SCN11A: variants seen among roughly 807,000 people sequenced by gnomAD.
The protein encoded by SCN11A is sodium channel protein type 11 subunit alpha.
Under a neutral mutation model 162.2 loss-of-function variants are expected in SCN11A, and 122 were observed. The ratio of observed to expected loss-of-function variants is 0.75; its 90% confidence interval spans 0.65 to 0.87. The LOEUF is 0.87. Among genes scored for constraint, SCN11A ranks in the 40% least tolerant of loss-of-function variants. The pLI, the probability that SCN11A is intolerant of heterozygous loss-of-function variation, is 0.00. For synonymous variants in SCN11A, 758 were observed against 751.5 expected (o/e 1.01, Z -0.14); for missense variants, 2,015 against 2,181.6 (o/e 0.92, Z 1.52).
At chr3:38,936,847 T>G (rs1240791753) in intron 7 of SCN11A, among the ~76,000 whole-genome samples, 2 of 152,180 alleles carry the variant, frequency 1.3e-5, no homozygotes, top group Non-Finnish European at 2.9e-5. Context: ...CCAATGACTT[T>G]CTTCACAGAA....
intron 9 of SCN11A, among the ~76,000 whole-genome samples, chr3:38,924,648 C>T (rs1225861036): frequency 4.6e-5 from 7 of 152,122 alleles, no homozygotes; most frequent in Non-Finnish European, 7.4e-5. Context: ...GTTGGGATTA[C>T]AGGAGTGAGC....
intron 2 of SCN11A, among the ~76,000 whole-genome samples, chr3:38,987,295 T>G (rs1232085835): frequency 8.6e-6 from 1 of 116,494 alleles, no homozygotes; most frequent in African/African-American, 4.7e-5. Context: ...TCTCTCTCTC[T>G]CTCTCTCTCA....
intron 7 of SCN11A, among the ~76,000 whole-genome samples, chr3:38,928,470 T>C (rs1025237862): frequency 1.8e-4 from 28 of 152,280 alleles, no homozygotes; most frequent in African/African-American, 6.7e-4. Flanking sequence ...CAAACCACCA[T>C]GGCACACATA....
intron 21 of SCN11A, 80 bp from the exon 22 acceptor site, chr3:38,883,467 G>C: frequency 1.5e-6 from 2 of 1,371,316 alleles, no homozygotes; most frequent in Non-Finnish European, 2.0e-6. Flanking sequence ...CCCTTTCTGT[G>C]TTCATGCCCC....
intron 2 of SCN11A, among the ~76,000 whole-genome samples, chr3:38,995,827 A>C (rs1262347694): frequency 6.7e-6 from 1 of 150,088 alleles, no homozygotes; most frequent in Non-Finnish European, 1.5e-5. Flanking sequence ...CTGTCTATCT[A>C]TCTATCTATC....
chr3:38,992,986 A>T (rs909782918), intron 2 of SCN11A, among the ~76,000 whole-genome samples: 2 of 152,370 alleles, frequency 1.3e-5, no homozygotes, highest in South Asian at 4.1e-4. Context: ...AGGTACAGAC[A>T]TCCCCGATTC....
rs764197638 is a variant in SCN11A, at chr3:38,919,988, T to C, written c.906A>G (p.Glu302=). The C allele has an allele frequency of 3.1e-6, 5 of 1,612,726 alleles. No individual in the cohort carries two copies. The highest frequency in any genetic ancestry group is 4.2e-6 in the Non-Finnish European group (5 of 1,179,134). The change falls in exon 11 of 30, where the codon GAA becomes GAG. Residue 302 remains glutamate (E), a synonymous_variant. Transcript: ENST00000302328. ...SNPEAYDHCF[E]KKENSPEFKM... is the part of the protein sequence containing the mutation. ...TGAATTCAGGTGAATTTTCTTTCTT[T>C]TCAAAGCAATGGTCTGAGAGAGGAA... is the stretch of plus-strand genomic sequence containing the variant.
At chr3:38,871,773 C>T in intron 24 of SCN11A, 65 bp from the exon 25 acceptor site, 1 of 1,333,916 alleles carries the variant, frequency 7.5e-7, no homozygotes. Context: ...TCTTCAACTT[C>T]TCAGCATGGG....
At chr3:39,051,636 C>A (rs2032381907) in intron 1 of SCN11A, among the ~76,000 whole-genome samples, 1 of 152,118 alleles carries the variant, frequency 6.6e-6, no homozygotes, top group Non-Finnish European at 1.5e-5. Context: ...GGTTCTCCTG[C>A]CTGCCTAGGA....
chr3:38,904,700 A>G (rs551872481), intron 15 of SCN11A, among the ~76,000 whole-genome samples: 1 of 151,922 alleles, frequency 6.6e-6, no homozygotes, highest in African/African-American at 2.4e-5. Context: ...CTGAACACCA[A>G]CCCCTGGGGT....
At chr3:38,967,673 T>G (rs1477362336) in intron 2 of SCN11A, among the ~76,000 whole-genome samples, 8 of 152,168 alleles carry the variant, frequency 5.3e-5, no homozygotes, top group Admixed American at 5.2e-4. Context: ...CACCACAGCT[T>G]TAGCTGGAAT....
At position 38,886,186 on chromosome 3, in the gene SCN11A, C is replaced by T; in HGVS notation, c.2888G>A (p.Ser963Asn). 1.2e-6 allele frequency: 2 copies of T among 1,613,112 alleles called. No homozygotes were observed. The highest frequency in any genetic ancestry group is 2.2e-5 in the South Asian group (2 of 91,016). Residue 963 changes from serine (S) to asparagine (N), a missense_variant, in exon 20 of 30, where the codon AGT becomes AAT. By Grantham distance (46) the Ser-to-Asn change is conservative. Transcript: ENST00000302328. ...NKKPTSQRVQ[S>N]VEIDMFSEDE... is the part of the protein sequence containing the mutation. ...TTCAGAGAACATGTCAATTTCCACA[C>T]TTTGAACTCTCTGGCTCGTGGGCTT... is the stretch of plus-strand genomic sequence containing the variant.
chr3:38,904,115 T>C lies in SCN11A; in HGVS notation c.1604-12A>G. 1 of 1,529,468 alleles carries C rather than the reference T, an allele frequency of 6.5e-7. No homozygotes were observed. The highest frequency in any genetic ancestry group is 1.8e-4 in the Middle Eastern group (1 of 5,670). 94.7% of individuals were successfully genotyped at this position (1,529,468 alleles called of 1,614,324 possible). A position where few individuals can be genotyped will look rare whatever the true frequency, so the allele number is the denominator to read the frequency against. On this transcript the variant is annotated splice_polypyrimidine_tract_variant and intron_variant, in intron 15 of 29. Transcript: ENST00000302328. ...TGATTTTTCTTGTTCTGGAGGAGAA[T>C]GAGCGAGAGGTTGAGGAGTTAGCTC... is the stretch of plus-strand genomic sequence containing the variant.
rs763336682 is a variant in SCN11A at position 38,867,356 on chromosome 3, C to T, written c.3916G>A (p.Val1306Ile). The T allele has an allele frequency of 4.0e-5, 65 of 1,613,156 alleles. No homozygotes were observed. The highest frequency in any genetic ancestry group is 4.7e-5 in the Non-Finnish European group (56 of 1,179,484). The change falls in exon 27 of 30, where the codon GTT becomes ATT. Residue 1306 changes from valine (V) to isoleucine (I), a missense_variant. Transcript: ENST00000302328. ...TGTTGGTTGAAGTTGTCAATGATAA[C>T]GCCAATGAAGAGATTCAGAGTGAAG... The part of the protein sequence containing the change: ...SFFTLNLFIG[V>I]IIDNFNQQQK...
At chr3:38,979,475 T>C (rs1452681278) in intron 2 of SCN11A, among the ~76,000 whole-genome samples, 1 of 152,232 alleles carries the variant, frequency 6.6e-6, no homozygotes, top group East Asian at 1.9e-4. Context: ...CTCCAGATAC[T>C]GCCATCTCCA....
Position 38,937,490 on chromosome 3 carries a change from A to G in SCN11A, c.488+7921T>C, listed in dbSNP as rs2066354905. The stretch of plus-strand genomic sequence containing the variant: ...CCTACTCATCTGACAAAGGGCTAAT[A>G]TCCAGAATCTACAATGAACTCAAAC... On this transcript the variant is annotated intron_variant, in intron 7 of 29. Transcript: ENST00000302328. Among the ~76,000 whole-genome samples, 4 of 151,636 alleles carry G rather than the reference A, an allele frequency of 2.6e-5. No individual in the cohort carries two copies. In the South Asian group the frequency reaches 8.3e-4, roughly 32 times the overall value.
intron 2 of SCN11A, among the ~76,000 whole-genome samples, chr3:39,003,458 T>A (rs556020137): frequency 6.6e-6 from 1 of 152,350 alleles, no homozygotes; most frequent in East Asian, 1.9e-4. Context: ...TGATTCCATA[T>A]CTTTGCTATT....
chr3:38,928,686 C>T (rs1392800618), intron 7 of SCN11A, among the ~76,000 whole-genome samples: 4 of 152,118 alleles, frequency 2.6e-5, no homozygotes, highest in Admixed American at 6.6e-5. Context: ...TGAAAAGATG[C>T]TCAACATCAC....
In SCN11A at chr3:39,028,438, C is replaced by T. The variant is rs528672677; in HGVS notation, c.-280+3942G>A. ...CATTTGTCAATTGGCACATAGGATC[C>T]GTCTTAAACCTATTTGAGATTTTAT... is the stretch of plus-strand genomic sequence containing the variant. On this transcript the variant is annotated intron_variant, in intron 2 of 29. Coordinates refer to ENST00000302328, the MANE Select transcript of SCN11A (RefSeq NM_001349253.2). 6.6e-4 allele frequency among the ~76,000 whole-genome samples: 100 copies of T among 152,270 alleles called. 1 individual carries two copies. Among genetic ancestry groups the T allele is most frequent in the Non-Finnish European group, 1.0e-3 (70 of 68,032 alleles).
Sources: allele counts gnomAD v4.1 joint callset (sites outside exome capture counted in the v4.1 genomes callset), GRCh38; gene constraint gnomAD v4.1.1; transcripts MANE v1.5; gene names NCBI Gene and HGNC (gene_info 2026-07-23, HGNC 2026-07-21).